The following GRM8 variants were observed in gnomAD, a reference collection of about 807,000 sequenced individuals.
The protein encoded by GRM8 is metabotropic glutamate receptor 8.
A neutral mutation model predicts 87.2 loss-of-function variants in GRM8; 47 were observed. That is an observed-to-expected ratio of 0.54 (90% CI 0.43 to 0.69). GRM8 has a LOEUF of 0.69. Among genes scored for constraint, GRM8 ranks in the 30% least tolerant of loss-of-function variants. The pLI is 0.00. For missense variants in GRM8, 1,019 were observed against 1,139.2 expected (o/e 0.89, Z 1.52); for synonymous variants, 396 against 404.5 (o/e 0.98, Z 0.25).
chr7:126,696,364 T>A (rs373331076), intron 7 of GRM8, among the ~76,000 whole-genome samples: 7 of 152,088 alleles, frequency 4.6e-5, no homozygotes, highest in African/African-American at 1.7e-4. Context: ...CTATTTGATA[T>A]TGATGCTCTC....
intron 9 of GRM8, chr7:126,511,043 T>C (rs1811294717): frequency 6.6e-6 from 1 of 152,132 alleles, no homozygotes; most frequent in Non-Finnish European, 1.5e-5. Flanking sequence ...CTGAAGATAT[T>C]CTTACAATTC....
chr7:126,781,780 A>C (rs1287708538), intron 6 of GRM8, among the ~76,000 whole-genome samples: 5 of 152,202 alleles, frequency 3.3e-5, no homozygotes, highest in Non-Finnish European at 5.9e-5. Context: ...CAGTGGTGTG[A>C]TCAAGGCTCA....
At chr7:126,974,537 T>C (rs12667764) in intron 3 of GRM8, among the ~76,000 whole-genome samples, 15,451 of 151,922 alleles carry the variant, frequency 0.1, 940 homozygotes, top group East Asian at 0.21. Context: ...TGAGAAAATA[T>C]GGGGAAAAAA....
chr7:127,085,299 A>G (rs939794427), intron 3 of GRM8, among the ~76,000 whole-genome samples: 1 of 152,226 alleles, frequency 6.6e-6, no homozygotes, highest in Non-Finnish European at 1.5e-5. Context: ...TCATAGTAGC[A>G]TGATTTATAA....
chr7:127,215,883 A>G (rs1383922401), intron 2 of GRM8, among the ~76,000 whole-genome samples: 3 of 152,136 alleles, frequency 2.0e-5, no homozygotes, highest in Non-Finnish European at 4.4e-5. Flanking sequence ...AATTTTCTAG[A>G]ACTAAAAAAA....
intron 7 of GRM8, among the ~76,000 whole-genome samples, chr7:126,672,252 ATGG>A (rs1006482737): frequency 2.6e-5 from 4 of 152,184 alleles, no homozygotes; most frequent in Non-Finnish European, 5.9e-5. Flanking sequence ...TTTGACACCC[ATGG>A]TGGCATCTGC....
At chr7:126,855,423 T>G (rs1201402342) in intron 6 of GRM8, among the ~76,000 whole-genome samples, 1 of 151,486 alleles carries the variant, frequency 6.6e-6, no homozygotes, top group Non-Finnish European at 1.5e-5. Flanking sequence ...AAAGTCACGG[T>G]AGGAAGTCAC....
At chr7:126,558,307 T>C (rs1793360763) in intron 8 of GRM8, among the ~76,000 whole-genome samples, 3 of 152,200 alleles carry the variant, frequency 2.0e-5, no homozygotes, top group Non-Finnish European at 1.5e-5. Flanking sequence ...TCCCTATTGA[T>C]ATCATAATTG....
intron 7 of GRM8, among the ~76,000 whole-genome samples, chr7:126,622,312 A>G (rs1194411205): frequency 5.9e-5 from 9 of 152,004 alleles, no homozygotes; most frequent in African/African-American, 2.2e-4. Flanking sequence ...TTGCTCTGCA[A>G]TCCTATCACA....
At chr7:126,690,242 G>A (rs980616593) in intron 7 of GRM8, among the ~76,000 whole-genome samples, 6 of 152,208 alleles carry the variant, frequency 3.9e-5, no homozygotes, top group South Asian at 2.1e-4. Context: ...CTCAGCTCGC[G>A]CTACTGGCCT....
At chr7:126,707,076 G>T (rs1478159661) in intron 7 of GRM8, among the ~76,000 whole-genome samples, 2 of 152,058 alleles carry the variant, frequency 1.3e-5, no homozygotes, top group South Asian at 2.1e-4. Context: ...GGGAAAGGTG[G>T]GCAGATCGCT....
At chr7:127,022,894 A>T (rs1021444382) in intron 3 of GRM8, among the ~76,000 whole-genome samples, 2 of 152,086 alleles carry the variant, frequency 1.3e-5, no homozygotes, top group African/African-American at 2.4e-5. Flanking sequence ...CCATCTATAA[A>T]ATGAGAGCAA....
chr7:126,584,002 T>A (rs1332059862), intron 8 of GRM8, among the ~76,000 whole-genome samples: 1 of 152,152 alleles, frequency 6.6e-6, no homozygotes, highest in East Asian at 1.9e-4. Context: ...GTTGTCTTAT[T>A]TTTTAAAATT....
At chr7:126,937,493 C>G (rs370987950) in intron 3 of GRM8, among the ~76,000 whole-genome samples, 3 of 152,090 alleles carry the variant, frequency 2.0e-5, no homozygotes, top group South Asian at 4.1e-4. Flanking sequence ...GCAAGCTGTA[C>G]AAGGAGGGAA....
At chr7:126,505,066 G>C (rs1251654423) in intron 9 of GRM8, among the ~76,000 whole-genome samples, 2 of 152,056 alleles carry the variant, frequency 1.3e-5, no homozygotes, top group African/African-American at 4.8e-5. Flanking sequence ...AAGTGGAATA[G>C]TGAACAGAAG....
At chr7:126,867,847 A>G (rs1295069173) in intron 6 of GRM8, among the ~76,000 whole-genome samples, 1 of 152,226 alleles carries the variant, frequency 6.6e-6, no homozygotes, top group African/African-American at 2.4e-5. Flanking sequence ...GTGGGATTCA[A>G]GCAAAGTAAT....
chr7:127,101,903 C>A (rs1184722850), intron 3 of GRM8, among the ~76,000 whole-genome samples: 1 of 152,110 alleles, frequency 6.6e-6, no homozygotes, highest in Non-Finnish European at 1.5e-5. Context: ...TCTTAGAGAC[C>A]AGTTAAATGC....
intron 3 of GRM8, among the ~76,000 whole-genome samples, chr7:127,026,695 T>A (rs1415771816): frequency 1.3e-5 from 2 of 152,192 alleles, no homozygotes; most frequent in Admixed American, 1.3e-4. Context: ...TTGATGGTTT[T>A]TTCTTGTAAA....
Position 127,084,948 on chromosome 7 carries a change from T to C in GRM8, c.727+21548A>G, listed in dbSNP as rs149425979. Among the ~76,000 whole-genome samples the C allele has an allele frequency of 2.7e-3, 418 of 152,336 alleles. 1 individual carries two copies. The highest frequency in any genetic ancestry group is 9.6e-3 in the African/African-American group (400 of 41,572). ...CATTTACATTAGGTGTTTCTCCTAA[T>C]GCAAACCCTCGCCCAACCCTCCACC... is the stretch of plus-strand genomic sequence containing the variant. On this transcript the variant is annotated intron_variant, in intron 3 of 10. Coordinates refer to ENST00000339582, the MANE Select transcript of GRM8 (RefSeq NM_000845.3).
Sources: allele counts gnomAD v4.1 joint callset (sites outside exome capture counted in the v4.1 genomes callset), GRCh38; gene constraint gnomAD v4.1.1; transcripts MANE v1.5; gene names NCBI Gene and HGNC (gene_info 2026-07-23, HGNC 2026-07-21).